Variants in SHB observed in about 807,000 individuals in gnomAD.
SHB encodes SH2 domain-containing adapter protein B.
Under a neutral mutation model 52.3 loss-of-function variants are expected in SHB, and 20 were observed. The observed-to-expected ratio is 0.38, with a 90% CI of 0.27 to 0.56. The LOEUF (loss-of-function observed/expected upper bound fraction) is 0.56. Ranked by LOEUF, SHB falls within the 20% of genes least tolerant of loss-of-function variation. The pLI is 0.71. For synonymous variants in SHB, 397 were observed against 316.5 expected, an observed-to-expected ratio of 1.25 and a Z score of -2.70; for missense variants, 825 against 723.3, an observed-to-expected ratio of 1.14 and a Z score of -1.61.
intron 2 of SHB, among the ~76,000 whole-genome samples, chr9:38,013,117 C>G (rs576421240): frequency 5.9e-5 from 9 of 152,210 alleles, no homozygotes; most frequent in African/African-American, 2.2e-4. Flanking sequence ...GAAAACACCC[C>G]TTTTAATAAC....
intron 1 of SHB, among the ~76,000 whole-genome samples, chr9:38,060,821 T>C (rs1402120890): frequency 6.6e-6 from 1 of 152,200 alleles, no homozygotes; most frequent in Non-Finnish European, 1.5e-5. Context: ...CCACTTTATT[T>C]ACAGATAAAT....
At chr9:38,059,141 A>G (rs1208447789) in intron 1 of SHB, among the ~76,000 whole-genome samples, 1 of 152,156 alleles carries the variant, frequency 6.6e-6, no homozygotes, top group East Asian at 1.9e-4. Context: ...AATGAATGAG[A>G]AGAAAGGACT....
chr9:38,042,414 G>A (rs1420870935), intron 1 of SHB, among the ~76,000 whole-genome samples: 2 of 152,204 alleles, frequency 1.3e-5, no homozygotes, highest in Non-Finnish European at 2.9e-5. Context: ...AGAGTGGGGA[G>A]GCCCCAGTCC....
chr9:38,017,779 A>G (rs149855577), intron 1 of SHB, among the ~76,000 whole-genome samples: 197 of 152,314 alleles, frequency 1.3e-3, no homozygotes, highest in African/African-American at 4.4e-3. Context: ...GCCTTTCTTG[A>G]GACTCACTGA....
At position 37,956,000 on chromosome 9, in the gene SHB, C is replaced by A. The variant is rs369920174; in HGVS notation, c.1109G>T (p.Arg370Leu). 28 of 1,592,892 alleles carry A rather than the reference C, an allele frequency of 1.8e-5. No individual in the cohort carries two copies. The highest frequency in any genetic ancestry group is 1.7e-4 in the Middle Eastern group (1 of 6,010). The change falls in exon 4 of 6, where the codon CGG becomes CTG. Residue 370 changes from arginine to leucine, a missense_variant. Physicochemically the swap from Arg to Leu is moderately radical, Grantham distance 102 (BLOSUM62 -2). Coordinates refer to ENST00000377707, the MANE Select transcript of SHB (RefSeq NM_003028.3). ...TCCAGGGGCACGAAGCTGGCGCCGC[C>A]GGTCCCGCGAAGGTGAGGGGGATGA... ...RQSSPSPSRD[R>L]RRQLRAPGGG...
In SHB at chr9:37,992,597, G is replaced by C. The variant is rs570051578; in HGVS notation, c.839-17760C>G. ...TCTGAGGAAGACTCGGGGTGAGCAG[G>C]GGCCTGGGGTCTGCCCCGTACTTTA... On this transcript the variant is annotated intron_variant, in intron 2 of 5. Transcript: ENST00000377707. 5.7e-3 allele frequency among the ~76,000 whole-genome samples: 866 copies of C among 152,250 alleles called. 3 individuals carry two copies. Among genetic ancestry groups the C allele is most frequent in the Non-Finnish European group, 0.01 (714 of 68,020 alleles).
At chr9:38,060,696 T>C (rs1821881472) in intron 1 of SHB, among the ~76,000 whole-genome samples, 1 of 152,178 alleles carries the variant, frequency 6.6e-6, no homozygotes, top group Admixed American at 6.5e-5. Flanking sequence ...ATTCAAGTGA[T>C]TGTACCTTTT....
At chr9:37,934,142 G>A (rs556227989) in intron 5 of SHB, among the ~76,000 whole-genome samples, 4 of 152,292 alleles carry the variant, frequency 2.6e-5, no homozygotes, top group Admixed American at 1.3e-4. Context: ...CTGAGCTTCG[G>A]TTGAACTCCT....
intron 1 of SHB, among the ~76,000 whole-genome samples, chr9:38,039,539 C>T (rs1821542733): frequency 6.6e-6 from 1 of 152,258 alleles, no homozygotes; most frequent in Non-Finnish European, 1.5e-5. Flanking sequence ...CTGGATTTTA[C>T]TACCCTTGGC....
intron 5 of SHB, among the ~76,000 whole-genome samples, chr9:37,929,353 A>G (rs1296562131): frequency 2.0e-5 from 3 of 152,238 alleles, no homozygotes; most frequent in Non-Finnish European, 2.9e-5. Flanking sequence ...GGGGGCTGGC[A>G]CTAGATTCCA....
chr9:38,056,465 G>A (rs1821823250), intron 1 of SHB, among the ~76,000 whole-genome samples: 1 of 152,136 alleles, frequency 6.6e-6, no homozygotes, highest in Non-Finnish European at 1.5e-5. Flanking sequence ...TAAAGTAGCT[G>A]GGACTACAGG....
chr9:38,025,295 T>C (rs1024931401), intron 1 of SHB, among the ~76,000 whole-genome samples: 40 of 152,214 alleles, frequency 2.6e-4, no homozygotes, highest in Non-Finnish European at 5.3e-4. Context: ...AACTCCTACT[T>C]GGCTCTGCTC....
At chr9:37,958,682 C>T (rs1224628454) in intron 3 of SHB, among the ~76,000 whole-genome samples, 2 of 152,188 alleles carry the variant, frequency 1.3e-5, no homozygotes, top group Non-Finnish European at 2.9e-5. Flanking sequence ...TTCCCATCAG[C>T]TAATAAGGGG....
At chr9:37,969,030 T>C (rs920751497) in intron 3 of SHB, among the ~76,000 whole-genome samples, 2 of 152,218 alleles carry the variant, frequency 1.3e-5, no homozygotes, top group African/African-American at 4.8e-5. Flanking sequence ...ACAGAAACCC[T>C]GACTGGATCC....
chr9:37,982,488 G>A (rs111320813), intron 2 of SHB, among the ~76,000 whole-genome samples: 2 of 151,754 alleles, frequency 1.3e-5, no homozygotes, highest in African/African-American at 2.4e-5. Flanking sequence ...GCAAAACTCC[G>A]TCTCAAAAAA....
chr9:37,928,959 C>T (rs555434236), intron 5 of SHB, among the ~76,000 whole-genome samples: 62 of 152,196 alleles, frequency 4.1e-4, no homozygotes, highest in Non-Finnish European at 8.2e-4. Flanking sequence ...CCCCAGCTGC[C>T]GAGGGGAGGA....
intron 2 of SHB, among the ~76,000 whole-genome samples, chr9:38,009,307 T>A (rs1587241872): frequency 6.6e-6 from 1 of 151,902 alleles, no homozygotes; most frequent in South Asian, 2.1e-4. Flanking sequence ...TGGCTGGGGG[T>A]GGGGCAGGAC....
At chr9:37,933,167 A>G (rs1349788626) in intron 5 of SHB, among the ~76,000 whole-genome samples, 2 of 152,358 alleles carry the variant, frequency 1.3e-5, no homozygotes, top group East Asian at 3.9e-4. Flanking sequence ...TTTGCAAATT[A>G]TATGAATGAC....
intron 5 of SHB, among the ~76,000 whole-genome samples, chr9:37,941,755 GGTCCCACTGTGGC>G (rs1832436404): frequency 6.6e-6 from 1 of 152,202 alleles, no homozygotes. Context: ...TGGCCAGGGA[GGTCCCACTGTGGC>G]CTTGCAGGGA....
Sources: allele counts gnomAD v4.1 joint callset (sites outside exome capture counted in the v4.1 genomes callset), GRCh38; gene constraint gnomAD v4.1.1; transcripts MANE v1.5; gene names NCBI Gene and HGNC (gene_info 2026-07-23, HGNC 2026-07-21).